The following CNTNAP2 variants were observed in gnomAD, a reference collection of about 807,000 sequenced individuals.
CNTNAP2 encodes the protein contactin associated protein 2.
In CNTNAP2, 98 loss-of-function variants were observed where a neutral mutation model predicts 155.2. The observed-to-expected ratio is 0.63, with a 90% CI of 0.54 to 0.75. The LOEUF (loss-of-function observed/expected upper bound fraction) is 0.75, where lower values mean the gene tolerates loss of function less well. Among genes scored for constraint, CNTNAP2 ranks in the 30% least tolerant of loss-of-function variants. The pLI is 0.00. For missense variants in CNTNAP2, 1,727 were observed against 1,688.1 expected, an observed-to-expected ratio of 1.02 and a Z score of -0.40; for synonymous variants, 651 against 631.2, an observed-to-expected ratio of 1.03 and a Z score of -0.47.
At chr7:146,628,344 A>G (rs906566832) in intron 1 of CNTNAP2, among the ~76,000 whole-genome samples, 5 of 152,146 alleles carry the variant, frequency 3.3e-5, no homozygotes, top group Non-Finnish European at 7.4e-5. Context: ...AAGAGTAGAT[A>G]GTAGAATAGT....
chr7:148,233,843 G>T (rs1796003767), intron 20 of CNTNAP2, among the ~76,000 whole-genome samples: 2 of 152,200 alleles, frequency 1.3e-5, no homozygotes, highest in East Asian at 3.8e-4. Flanking sequence ...GGAGGTGATT[G>T]GACCATGGGG....
intron 1 of CNTNAP2, among the ~76,000 whole-genome samples, chr7:146,227,491 C>T (rs1799315523): frequency 6.7e-6 from 1 of 149,214 alleles, no homozygotes; most frequent in Non-Finnish European, 1.5e-5. Context: ...ATAAATATTT[C>T]ATTGGTTGAC....
At chr7:146,504,745 G>A (rs1465915641) in intron 1 of CNTNAP2, among the ~76,000 whole-genome samples, 3 of 150,048 alleles carry the variant, frequency 2.0e-5, no homozygotes, top group African/African-American at 7.3e-5. Context: ...GGAAATAACT[G>A]TGGCAAGCAC....
intron 1 of CNTNAP2, among the ~76,000 whole-genome samples, chr7:146,363,011 C>T (rs543166998): frequency 3.9e-5 from 6 of 151,910 alleles, no homozygotes; most frequent in Admixed American, 1.3e-4. Context: ...CCTCATGATC[C>T]GCCTGCCTCG....
intron 17 of CNTNAP2, among the ~76,000 whole-genome samples, chr7:148,171,907 T>C (rs962594751): frequency 1.3e-5 from 2 of 152,242 alleles, no homozygotes; most frequent in Admixed American, 1.3e-4. Context: ...TGTTGTGAGA[T>C]TAAAGAGCAA....
At chr7:148,315,380 G>T (rs1797670695) in intron 21 of CNTNAP2, among the ~76,000 whole-genome samples, 1 of 152,134 alleles carries the variant, frequency 6.6e-6, no homozygotes, top group Non-Finnish European at 1.5e-5. Flanking sequence ...TCAAAGGGGG[G>T]TTGTTCTCTG....
intron 8 of CNTNAP2, among the ~76,000 whole-genome samples, chr7:147,153,348 G>C (rs1007873570): frequency 2.0e-5 from 3 of 152,084 alleles, no homozygotes; most frequent in Non-Finnish European, 2.9e-5. Context: ...AAATGATATA[G>C]AATGTTAGAA....
chr7:146,932,584 C>T (rs1372377955), intron 3 of CNTNAP2, among the ~76,000 whole-genome samples: 1 of 151,990 alleles, frequency 6.6e-6, no homozygotes, highest in Non-Finnish European at 1.5e-5. Flanking sequence ...AAGTTCTGGC[C>T]AGGGCAATTA....
chr7:147,964,422 C>A (rs1405121242), intron 14 of CNTNAP2, among the ~76,000 whole-genome samples: 1 of 152,134 alleles, frequency 6.6e-6, no homozygotes, highest in Non-Finnish European at 1.5e-5. Context: ...CAATCCTCCA[C>A]GGATTTGTTT....
chr7:146,232,267 ATGTG>A (rs1245021358), intron 1 of CNTNAP2, among the ~76,000 whole-genome samples: 2 of 143,134 alleles, frequency 1.4e-5, no homozygotes, highest in East Asian at 4.1e-4. Context: ...CTGTATGTGT[ATGTG>A]TGTTTGTGTA....
intron 1 of CNTNAP2, among the ~76,000 whole-genome samples, chr7:146,510,075 G>A (rs1330257975): frequency 1.3e-5 from 2 of 152,154 alleles, no homozygotes; most frequent in Non-Finnish European, 1.5e-5. Flanking sequence ...GACTAAGCTG[G>A]GGTCTGAGGG....
At chr7:147,800,764 G>A (rs954935155) in intron 13 of CNTNAP2, among the ~76,000 whole-genome samples, 1 of 152,192 alleles carries the variant, frequency 6.6e-6, no homozygotes, top group Non-Finnish European at 1.5e-5. Flanking sequence ...GTTTCATAAT[G>A]ATGGACCAAT....
chr7:146,946,486 T>C (rs1563015420), intron 3 of CNTNAP2, among the ~76,000 whole-genome samples: 1 of 152,158 alleles, frequency 6.6e-6, no homozygotes, highest in Non-Finnish European at 1.5e-5. Context: ...AACAAAAATT[T>C]GATTATTGAG....
chr7:147,986,177 C>T (rs1201120981), intron 15 of CNTNAP2, among the ~76,000 whole-genome samples: 1 of 152,056 alleles, frequency 6.6e-6, no homozygotes, highest in Non-Finnish European at 1.5e-5. Flanking sequence ...AGGTGTATTA[C>T]CAGCATAGAG....
intron 1 of CNTNAP2, among the ~76,000 whole-genome samples, chr7:146,690,292 T>G (rs957407878): frequency 1.8e-4 from 28 of 152,168 alleles, no homozygotes; most frequent in Middle Eastern, 3.2e-3. Context: ...ACATACGTCA[T>G]GATCAGTAAC....
chr7:146,507,186 C>A (rs984598636), intron 1 of CNTNAP2, among the ~76,000 whole-genome samples: 1 of 152,202 alleles, frequency 6.6e-6, no homozygotes, highest in African/African-American at 2.4e-5. Context: ...TCCTGTCACA[C>A]TCTCACAAGC....
chr7:148,217,323 C>T lies in CNTNAP2; in HGVS notation c.3046C>T (p.Arg1016Ter), dbSNP rs371642222. 6.2e-6 allele frequency: 10 copies of T among 1,613,884 alleles called. No individual in the cohort carries two copies. Among genetic ancestry groups the T allele is most frequent in the Middle Eastern group, 1.6e-4 (1 of 6,084 alleles). Residue 1016 changes from arginine to a stop codon, truncating the protein, a stop_gained, in exon 19 of 24, where the codon CGA becomes TGA. Coordinates refer to ENST00000361727, the MANE Select transcript of CNTNAP2 (RefSeq NM_014141.6). LOFTEE classifies it high-confidence loss of function. ...GAFFEEGMWL[R>*]YNFQAPATNA... ...ATTTTTTGAAGAAGGGATGTGGCTA[C>T]GATATAACTTTCAGGCACCAGCAAC...
At chr7:146,379,782 G>A (rs1187742044) in intron 1 of CNTNAP2, among the ~76,000 whole-genome samples, 1 of 152,060 alleles carries the variant, frequency 6.6e-6, no homozygotes, top group Non-Finnish European at 1.5e-5. Flanking sequence ...TAGGCATGTG[G>A]GACGATAATT....
chr7:148,174,505 A>G (rs1794899361), intron 18 of CNTNAP2, among the ~76,000 whole-genome samples: 1 of 152,206 alleles, frequency 6.6e-6, no homozygotes, highest in African/African-American at 2.4e-5. Context: ...AGCTCCATGC[A>G]AGGCCTTCTC....
Sources: gnomAD v4.1 joint callset for allele counts (sites outside exome capture counted in the v4.1 genomes callset) on GRCh38, gnomAD v4.1.1 for gene constraint, MANE v1.5 for transcripts, NCBI Gene and HGNC (gene_info 2026-07-23, HGNC 2026-07-21) for gene names.